PANK2: variants seen among roughly 807,000 people sequenced by gnomAD.
PANK2 encodes pantothenate kinase 2.
A neutral mutation model predicts 43.1 loss-of-function variants in PANK2; 36 were observed. The observed-to-expected ratio is 0.84, with a 90% CI of 0.64 to 1.10. The LOEUF (loss-of-function observed/expected upper bound fraction) is 1.10. Ranked by LOEUF, PANK2 falls within the 50% of genes least tolerant of loss-of-function variation. PANK2 has a pLI of 0.00. For synonymous variants in PANK2, 281 were observed against 238.2 expected (o/e 1.18, Z -1.66); for missense variants, 576 against 593.3 (o/e 0.97, Z 0.30).
chr20:3,889,163 T>C (rs751537066), upstream of PANK2: 5 of 1,600,426 alleles, frequency 3.1e-6, no homozygotes, highest in Admixed American at 1.7e-5. Context: ...CACTCTCTTC[T>C]GGGCTACACC....
At chr20:3,916,889 GT>G (rs770889300) in intron 4 of PANK2, 37 bp from the exon 5 acceptor site, 9 of 1,611,924 alleles carry the variant, frequency 5.6e-6, no homozygotes, top group Non-Finnish European at 8.5e-7. Flanking sequence ...CTTTGTTGCT[GT>G]TGGTTTAGCA....
chr20:3,907,277 T>C (rs1175397435), intron 1 of PANK2, among the ~76,000 whole-genome samples: 4 of 151,866 alleles, frequency 2.6e-5, no homozygotes, highest in Non-Finnish European at 5.9e-5. Context: ...AATTTTTGTT[T>C]TAGTAGAGAT....
chr20:3,920,587 C>T (rs531556577), intron 6 of PANK2, among the ~76,000 whole-genome samples: 6 of 152,170 alleles, frequency 3.9e-5, no homozygotes, highest in East Asian at 3.9e-4. Context: ...CGGCTCACGC[C>T]TGTAATCCCA....
At chr20:3,908,356 A>G (rs2090420746) in intron 2 of PANK2, 78 bp downstream of exon 2, 1 of 1,302,488 alleles carries the variant, frequency 7.7e-7, no homozygotes, top group African/African-American at 1.5e-5. Context: ...TGGTGAAATA[A>G]TTTCCATCTC....
At chr20:3,911,003 T>C (rs1057479196) in intron 3 of PANK2, among the ~76,000 whole-genome samples, 173 bp downstream of exon 3, 2 of 152,232 alleles carry the variant, frequency 1.3e-5, no homozygotes, top group Non-Finnish European at 2.9e-5. Context: ...TTCTTTAATC[T>C]CTACTGTTCA....
chr20:3,921,541 C>T (rs1431860014), intron 6 of PANK2: 1 of 151,988 alleles, frequency 6.6e-6, no homozygotes, highest in South Asian at 2.1e-4. Flanking sequence ...ATAAAAGGTA[C>T]AGAAAGCTGC....
chr20:3,897,860 C>G (rs893367824), intron 1 of PANK2, among the ~76,000 whole-genome samples: 2 of 151,804 alleles, frequency 1.3e-5, no homozygotes, highest in African/African-American at 2.4e-5. Context: ...TGAAAACTAG[C>G]TGGGCATGGT....
chr20:3,907,959 C>A lies in PANK2; in HGVS notation c.332C>A (p.Thr111Asn). 1 of 1,614,116 alleles carries A rather than the reference C, an allele frequency of 6.2e-7. No individual in the cohort carries two copies. Among genetic ancestry groups the A allele is most frequent in the East Asian group, 2.2e-5 (1 of 44,886 alleles). ...TGGTTTGGACTGGATATCGGTGGAA[C>A]TCTGGTCAAGCTGGTATATTTTGAA... The change falls in exon 2 of 7, where the codon ACT (threonine) becomes AAT (asparagine). Residue 111 changes from threonine to asparagine, a missense_variant. Transcript: ENST00000610179.
intron 1 of PANK2, chr20:3,889,992 C>T (rs956982151): frequency 5.0e-6 from 7 of 1,388,438 alleles, no homozygotes; most frequent in Admixed American, 4.3e-5. Context: ...CCTCCCTTTT[C>T]TTAGCTCCTT....
chr20:3,916,920 A>G lies in PANK2; in HGVS notation c.1083-7A>G, dbSNP rs1568581742. 1 of 1,588,288 alleles carries G rather than the reference A, an allele frequency of 6.3e-7. No homozygotes were observed. Among genetic ancestry groups the G allele is most frequent in the Non-Finnish European group, 8.6e-7 (1 of 1,166,516 alleles). On this transcript the variant is annotated splice_region_variant and splice_polypyrimidine_tract_variant and intron_variant, in intron 4 of 6. Transcript: ENST00000610179. ...TTAGCAATGGGATTTTTTTTCCCCC[A>G]TCACAGCTTTGGAAACATGATGAGC...
At chr20:3,903,454 TTTC>T (rs1319663554) in intron 1 of PANK2, among the ~76,000 whole-genome samples, 5 of 149,608 alleles carry the variant, frequency 3.3e-5, no homozygotes, top group Non-Finnish European at 5.9e-5. Context: ...GGCTTTTTTT[TTTC>T]TTCTTTTCCT....
At chr20:3,889,268 T>G, upstream of PANK2, 1 of 1,611,772 alleles carries the variant, frequency 6.2e-7, no homozygotes, top group Non-Finnish European at 8.5e-7. Flanking sequence ...GCACGGTCAA[T>G]CCTCCTCGAG....
intron 1 of PANK2, among the ~76,000 whole-genome samples, chr20:3,896,768 A>T (rs141665190): frequency 6.6e-6 from 1 of 152,164 alleles, no homozygotes; most frequent in Non-Finnish European, 1.5e-5. Flanking sequence ...GAGAGCACAG[A>T]AGTTCCGTGT....
intron 6 of PANK2, among the ~76,000 whole-genome samples, chr20:3,922,850 C>A (rs571460409): frequency 6.6e-6 from 1 of 152,194 alleles, no homozygotes; most frequent in Non-Finnish European, 1.5e-5. Context: ...ACTTTGCATC[C>A]GACCTCGCCT....
At position 3,912,445 on chromosome 20, in the gene PANK2, T is replaced by C; in HGVS notation, c.906-13T>C. ...AAATGTTATAATACTGTGTTAATTGTTTTTAATCATAGTCTTGGAGGAGGA... is the reference window on the plus strand; with the variant it reads ...AAATGTTATAATACTGTGTTAATTGCTTTTAATCATAGTCTTGGAGGAGGA... On this transcript the variant is annotated splice_polypyrimidine_tract_variant and intron_variant, in intron 3 of 6. Coordinates refer to ENST00000610179, the MANE Select transcript of PANK2 (RefSeq NM_001386393.1). 1 of 1,613,472 alleles carries C rather than the reference T, an allele frequency of 6.2e-7. No homozygotes were observed. Among genetic ancestry groups the C allele is most frequent in the South Asian group, 1.1e-5 (1 of 91,078 alleles).
At position 3,917,045 on chromosome 20, in the gene PANK2, AATG is replaced by A. The variant is rs2090572981; in HGVS notation, c.1203_1205del (p.Asn401_Glu402delinsLys). On this transcript the variant is annotated inframe_deletion and splice_region_variant, in exon 5 of 7. Coordinates refer to ENST00000610179, the MANE Select transcript of PANK2 (RefSeq NM_001386393.1). ...CTCAATAGCAAGAATGTGTGCCCTT[AATG>A]AAGTAAGGGGACATGGATTTCTTTA... is the stretch of plus-strand genomic sequence containing the variant. The A allele has an allele frequency of 6.2e-7, 1 of 1,614,050 alleles. No individual in the cohort carries two copies.
Position 3,910,589 on chromosome 20 carries a change from C to T in PANK2, c.664C>T (p.Gln222Ter), listed in dbSNP as rs777414421. Reference sequence around the variant, plus strand: ...TATTTCATTACAGATAGGTGATCTTCAGCTTTGCAAACTGGATGAACTAGA... The same window carrying T: ...TATTTCATTACAGATAGGTGATCTTTAGCTTTGCAAACTGGATGAACTAGA... Residue 222 changes from glutamine (Q) to a stop codon, truncating the protein, a stop_gained, in exon 3 of 7, where the codon CAG becomes TAG. Coordinates refer to ENST00000610179, the MANE Select transcript of PANK2 (RefSeq NM_001386393.1). LOFTEE classifies it high-confidence loss of function. 6.2e-7 allele frequency: 1 copy of T among 1,614,090 alleles called. No individual in the cohort carries two copies. The highest frequency in any genetic ancestry group is 8.5e-7 in the Non-Finnish European group (1 of 1,180,008).
chr20:3,914,747 C>T (rs778600564), intron 4 of PANK2, among the ~76,000 whole-genome samples: 1 of 151,936 alleles, frequency 6.6e-6, no homozygotes, highest in Non-Finnish European at 1.5e-5. Flanking sequence ...TACAGGCACA[C>T]CTGTAAATTA....
At chr20:3,899,857 G>A (rs2090272365) in intron 1 of PANK2, among the ~76,000 whole-genome samples, 1 of 151,648 alleles carries the variant, frequency 6.6e-6, no homozygotes, top group African/African-American at 2.4e-5. Context: ...ACAGGCACCT[G>A]CCACCATGCC....
Sources: gnomAD v4.1 joint callset for allele counts (sites outside exome capture counted in the v4.1 genomes callset) on GRCh38, gnomAD v4.1.1 for gene constraint, MANE v1.5 for transcripts, NCBI Gene and HGNC (gene_info 2026-07-23, HGNC 2026-07-21) for gene names.